Variants in AGMO observed in about 807,000 individuals in gnomAD.
The protein encoded by AGMO is alkylglycerol monooxygenase, also known as glyceryl-ether monooxygenase.
AGMO carries 75 observed loss-of-function variants against 60.2 expected under a neutral mutation model. The ratio of observed to expected loss-of-function variants is 1.25; its 90% confidence interval spans 1.03 to 1.51. The LOEUF (loss-of-function observed/expected upper bound fraction) is 1.51. AGMO is among the 40% of genes most tolerant of loss of function. AGMO has a pLI of 0.00. For missense variants in AGMO, 763 were observed against 525.5 expected (o/e 1.45, Z -4.42); for synonymous variants, 261 against 177.1 (o/e 1.47, Z -3.76).
intron 3 of AGMO, among the ~76,000 whole-genome samples, chr7:15,431,682 A>G (rs548814290): frequency 3.3e-5 from 5 of 152,062 alleles, no homozygotes; most frequent in African/African-American, 1.2e-4. Flanking sequence ...ATAAAAAGAT[A>G]TTAGCTAACA....
At chr7:15,428,200 T>C (rs543094317) in intron 4 of AGMO, among the ~76,000 whole-genome samples, 3 of 152,176 alleles carry the variant, frequency 2.0e-5, no homozygotes, top group Admixed American at 2.0e-4. Flanking sequence ...TGCCCTATAA[T>C]TTTGATGTCT....
chr7:15,199,297 T>A (rs1279640434), downstream of AGMO, among the ~76,000 whole-genome samples: 1 of 152,128 alleles, frequency 6.6e-6, no homozygotes, highest in African/African-American at 2.4e-5. Flanking sequence ...ACAATCACAG[T>A]GAGGTAAACC....
At chr7:15,469,977 T>C (rs562130319) in intron 3 of AGMO, among the ~76,000 whole-genome samples, 2 of 152,046 alleles carry the variant, frequency 1.3e-5, no homozygotes, top group Non-Finnish European at 2.9e-5. Context: ...TATTTGGGAA[T>C]ACTTATAGGT....
intron 3 of AGMO, among the ~76,000 whole-genome samples, chr7:15,452,038 G>A (rs1227959008): frequency 6.6e-6 from 1 of 152,152 alleles, no homozygotes; most frequent in African/African-American, 2.4e-5. Flanking sequence ...TATTAAGCTA[G>A]GTTGAAGTTC....
At chr7:15,470,122 CAT>C (rs1782410857) in intron 3 of AGMO, among the ~76,000 whole-genome samples, 3 of 151,904 alleles carry the variant, frequency 2.0e-5, no homozygotes, top group African/African-American at 7.2e-5. Flanking sequence ...TAGGAGATGT[CAT>C]AAAATGGAAG....
At chr7:15,213,240 A>G (rs957681423) in intron 12 of AGMO, among the ~76,000 whole-genome samples, 1 of 151,890 alleles carries the variant, frequency 6.6e-6, no homozygotes, top group African/African-American at 2.4e-5. Context: ...TCTATGTTCC[A>G]AAGTTTGATA....
chr7:15,428,246 C>T (rs753292360), intron 4 of AGMO, among the ~76,000 whole-genome samples: 3 of 152,114 alleles, frequency 2.0e-5, no homozygotes, highest in Non-Finnish European at 2.9e-5. Flanking sequence ...CCATCACAGG[C>T]CCTTAAAACA....
intron 12 of AGMO, among the ~76,000 whole-genome samples, chr7:15,272,327 T>G (rs1783640625): frequency 7.6e-6 from 1 of 131,580 alleles, no homozygotes; most frequent in South Asian, 2.5e-4. Context: ...CCCCTTCCCG[T>G]GTCCAAGTGT....
At chr7:15,422,220 C>T (rs1283467845) in intron 4 of AGMO, among the ~76,000 whole-genome samples, 2 of 151,716 alleles carry the variant, frequency 1.3e-5, no homozygotes, top group African/African-American at 4.8e-5. Flanking sequence ...AAAAAGGAGA[C>T]AGCTGGATGT....
chr7:15,411,441 C>G (rs983629594), intron 5 of AGMO, among the ~76,000 whole-genome samples: 7 of 151,944 alleles, frequency 4.6e-5, no homozygotes, highest in African/African-American at 1.7e-4. Flanking sequence ...AACTCAGGCA[C>G]TTTAATCCCA....
chr7:15,262,994 A>C (rs1364078686), intron 12 of AGMO, among the ~76,000 whole-genome samples: 1 of 152,146 alleles, frequency 6.6e-6, no homozygotes, highest in Non-Finnish European at 1.5e-5. Flanking sequence ...TAACATTGTA[A>C]AAACCCTTCT....
downstream of AGMO, among the ~76,000 whole-genome samples, chr7:15,195,747 G>A (rs1563029265): frequency 1.3e-5 from 2 of 152,216 alleles, no homozygotes; most frequent in South Asian, 4.1e-4. Context: ...TGATTTAGGA[G>A]CTGCTTTTCT....
At chr7:15,241,055 A>C (rs1333913891) in intron 12 of AGMO, among the ~76,000 whole-genome samples, 1 of 152,190 alleles carries the variant, frequency 6.6e-6, no homozygotes, top group Non-Finnish European at 1.5e-5. Context: ...TTGCCAAAAG[A>C]AGAAATCATC....
At chr7:15,419,947 C>T (rs535579833) in intron 4 of AGMO, among the ~76,000 whole-genome samples, 41 of 152,140 alleles carry the variant, frequency 2.7e-4, no homozygotes, top group Non-Finnish European at 4.6e-4. Context: ...ACAATTATCT[C>T]CCAATAGGTT....
intron 12 of AGMO, among the ~76,000 whole-genome samples, chr7:15,216,833 AGT>A (rs1181410197): frequency 0.034 from 5,026 of 147,078 alleles, 261 homozygotes; most frequent in African/African-American, 0.12. Flanking sequence ...TGAAAGAAAA[AGT>A]GTGTGTGTGT....
chr7:15,335,642 A>G (rs1193970086), intron 12 of AGMO, among the ~76,000 whole-genome samples: 1 of 152,200 alleles, frequency 6.6e-6, no homozygotes, highest in African/African-American at 2.4e-5. Flanking sequence ...GCCACTGCCA[A>G]ATGACTTGTG....
chr7:15,544,764 C>A lies in AGMO; in HGVS notation c.409+8G>T. The A allele has an allele frequency of 1.3e-6, 2 of 1,570,942 alleles. No homozygotes were observed. The highest frequency in any genetic ancestry group is 1.7e-6 in the Non-Finnish European group (2 of 1,159,734). On this transcript the variant is annotated splice_region_variant and intron_variant, in intron 3 of 12. Coordinates refer to ENST00000342526, the MANE Select transcript of AGMO (RefSeq NM_001004320.2). ...TAAGTTAACAAAAAGTCCTCATTTG[C>A]AGCTTACCATGAGCCATACGATGGA... is the stretch of plus-strand genomic sequence containing the variant.
At chr7:15,453,579 C>T (rs531224629) in intron 3 of AGMO, among the ~76,000 whole-genome samples, 24 of 152,294 alleles carry the variant, frequency 1.6e-4, no homozygotes, top group African/African-American at 5.5e-4. Flanking sequence ...CAGATAAATT[C>T]AAACCAGGTC....
intron 5 of AGMO, among the ~76,000 whole-genome samples, chr7:15,403,402 T>C (rs1304446900): frequency 2.0e-5 from 3 of 151,968 alleles, no homozygotes; most frequent in Non-Finnish European, 2.9e-5. Flanking sequence ...TGGTTATTTA[T>C]TGAGTACAAG....
Sources: gnomAD v4.1 joint callset for allele counts (sites outside exome capture counted in the v4.1 genomes callset) on GRCh38, gnomAD v4.1.1 for gene constraint, MANE v1.5 for transcripts, NCBI Gene and HGNC (gene_info 2026-07-23, HGNC 2026-07-21) for gene names.